AFAP1: variants seen among roughly 807,000 people sequenced by gnomAD.
AFAP1 encodes actin filament associated protein 1.
AFAP1 carries 75 observed loss-of-function variants against 93.9 expected under a neutral mutation model. The observed-to-expected ratio is 0.80, with a 90% CI of 0.66 to 0.97. AFAP1 has a LOEUF of 0.97. Ranked by LOEUF, AFAP1 falls within the 50% of genes least tolerant of loss-of-function variation. The pLI, the probability that AFAP1 is intolerant of heterozygous loss-of-function variation, is 0.00. For missense variants in AFAP1, 1,201 were observed against 1,050.8 expected (o/e 1.14, Z -1.98); for synonymous variants, 517 against 430.7 (o/e 1.20, Z -2.48).
intron 1 of AFAP1, among the ~76,000 whole-genome samples, chr4:7,934,213 G>T (rs1394756631): frequency 6.6e-6 from 1 of 152,182 alleles, no homozygotes; most frequent in African/African-American, 2.4e-5. Flanking sequence ...CCCAATGCTT[G>T]TCTTACTGAT....
intron 1 of AFAP1, among the ~76,000 whole-genome samples, chr4:7,923,728 G>C (rs949656359): frequency 6.6e-6 from 1 of 152,148 alleles, no homozygotes; most frequent in African/African-American, 2.4e-5. Flanking sequence ...GCCTCCCAAA[G>C]TGCTGGGATT....
intron 16 of AFAP1, 21 bp from the exon 17 acceptor site, chr4:7,769,029 C>T (rs1715029722): frequency 6.4e-7 from 1 of 1,573,738 alleles, no homozygotes; most frequent in African/African-American, 1.4e-5. Context: ...AGAGAGAACC[C>T]CATGTGATGA....
At chr4:7,775,585 C>G (rs1560149801) in intron 14 of AFAP1, 1 of 152,192 alleles carries the variant, frequency 6.6e-6, no homozygotes, top group East Asian at 1.9e-4. Flanking sequence ...AGATTAGCAC[C>G]CGGCACGGAG....
At chr4:7,800,691 C>T (rs114740145) in intron 9 of AFAP1, 38 bp from the exon 10 acceptor site, 80,103 of 1,609,564 alleles carry the variant, frequency 0.05, 2,354 homozygotes, top group Admixed American at 0.11. Context: ...CCGCCTCGGA[C>T]AAGACCAGGC....
intron 1 of AFAP1, among the ~76,000 whole-genome samples, chr4:7,901,291 A>G (rs1431751671): frequency 6.6e-6 from 1 of 152,248 alleles, no homozygotes; most frequent in Non-Finnish European, 1.5e-5. Context: ...TCCTCACTCC[A>G]CATCAAGTTC....
intron 7 of AFAP1, 35 bp from the exon 8 acceptor site, chr4:7,816,134 T>C: frequency 6.4e-7 from 1 of 1,563,520 alleles, no homozygotes; most frequent in Non-Finnish European, 8.7e-7. Flanking sequence ...ATTCTTACAG[T>C]GGTCACTTGG....
chr4:7,792,338 A>T (rs1717936672), intron 11 of AFAP1, among the ~76,000 whole-genome samples: 1 of 152,138 alleles, frequency 6.6e-6, no homozygotes, highest in Non-Finnish European at 1.5e-5. Flanking sequence ...CCTTCATTAT[A>T]CAACATCAAA....
intron 3 of AFAP1, among the ~76,000 whole-genome samples, chr4:7,856,547 A>AT (rs564585620): frequency 2.9e-4 from 44 of 152,186 alleles, no homozygotes; most frequent in African/African-American, 1.0e-3. Context: ...GCCCATCACA[A>AT]TTTTTTAACA....
chr4:7,794,452 G>T (rs941321674), intron 10 of AFAP1, among the ~76,000 whole-genome samples: 1 of 152,104 alleles, frequency 6.6e-6, no homozygotes, highest in Admixed American at 6.5e-5. Flanking sequence ...CCTCCATTTG[G>T]TCTGCTTAAT....
At chr4:7,898,395 T>A (rs1456114053) in intron 1 of AFAP1, among the ~76,000 whole-genome samples, 1 of 150,464 alleles carries the variant, frequency 6.6e-6, no homozygotes, top group African/African-American at 2.4e-5. Context: ...GTGACAAGAG[T>A]GAAACTCCAT....
intron 2 of AFAP1, among the ~76,000 whole-genome samples, chr4:7,869,046 A>G (rs1167440475): frequency 1.3e-5 from 2 of 151,742 alleles, no homozygotes; most frequent in African/African-American, 4.8e-5. Flanking sequence ...AAGAAAAGAA[A>G]AGAGAAAGAG....
intron 3 of AFAP1, among the ~76,000 whole-genome samples, chr4:7,865,128 T>C (rs558044422): frequency 6.6e-6 from 1 of 152,212 alleles, no homozygotes; most frequent in African/African-American, 2.4e-5. Context: ...TAATCATATG[T>C]ATAGATTACA....
chr4:7,767,444 T>A (rs931914417), intron 17 of AFAP1, among the ~76,000 whole-genome samples: 4 of 152,190 alleles, frequency 2.6e-5, no homozygotes, highest in African/African-American at 9.6e-5. Flanking sequence ...GAGTCCTAAG[T>A]GGGATGTCAT....
chr4:7,878,343 G>T (rs552903385), intron 1 of AFAP1, among the ~76,000 whole-genome samples: 1 of 152,284 alleles, frequency 6.6e-6, no homozygotes, highest in East Asian at 1.9e-4. Context: ...AGGCTCTCTG[G>T]AAGATCCAGG....
At chr4:7,840,398 C>T (rs1430530557) in intron 5 of AFAP1, among the ~76,000 whole-genome samples, 1 of 152,000 alleles carries the variant, frequency 6.6e-6, no homozygotes, top group South Asian at 2.1e-4. Context: ...ACTGCAACCT[C>T]CCCCTCCTGG....
At chr4:7,786,653 A>G (rs1391500729) in intron 11 of AFAP1, among the ~76,000 whole-genome samples, 1 of 150,690 alleles carries the variant, frequency 6.6e-6, no homozygotes, top group Non-Finnish European at 1.5e-5. Context: ...TACACGCAGC[A>G]AAGTCTGCAA....
chr4:7,855,287 G>C (rs1714919765), intron 4 of AFAP1, among the ~76,000 whole-genome samples, 179 bp downstream of exon 4: 1 of 152,210 alleles, frequency 6.6e-6, no homozygotes, highest in Admixed American at 6.5e-5. Flanking sequence ...TTGTGTGTGA[G>C]GCACTCGGTG....
At chr4:7,847,797 GT>G (rs200054157) in intron 4 of AFAP1, among the ~76,000 whole-genome samples, 2 of 150,332 alleles carry the variant, frequency 1.3e-5, no homozygotes, top group Non-Finnish European at 3.0e-5. Context: ...GGTACTCGGG[GT>G]GGGGCATTGA....
intron 1 of AFAP1, among the ~76,000 whole-genome samples, chr4:7,898,939 G>A (rs2149215221): frequency 6.7e-6 from 1 of 148,304 alleles, no homozygotes; most frequent in East Asian, 2.0e-4. Context: ...ACATATAAAT[G>A]TATATATAAT....
Sources: allele counts gnomAD v4.1 joint callset (sites outside exome capture counted in the v4.1 genomes callset), GRCh38; gene constraint gnomAD v4.1.1; transcripts MANE v1.5; gene names NCBI Gene and HGNC (gene_info 2026-07-23, HGNC 2026-07-21).